SLC12A2: variants seen among roughly 807,000 people sequenced by gnomAD.
SLC12A2 encodes the protein solute carrier family 12 member 2.
A neutral mutation model predicts 136.3 loss-of-function variants in SLC12A2; 67 were observed. The observed-to-expected ratio is 0.49, with a 90% confidence interval of 0.40 to 0.60. The LOEUF (loss-of-function observed/expected upper bound fraction) is 0.60. Ranked by LOEUF, SLC12A2 falls within the 20% of genes least tolerant of loss-of-function variation. The pLI, the probability that SLC12A2 is intolerant of heterozygous loss-of-function variation, is 0.00. For missense variants in SLC12A2, 1,322 were observed against 1,534.7 expected (o/e 0.86, Z 2.32); for synonymous variants, 619 against 562.9 (o/e 1.10, Z -1.41).
At chr5:128,126,955 TATATATA>T (rs1561673453) in intron 4 of SLC12A2, among the ~76,000 whole-genome samples, 4 of 34,470 alleles carry the variant, frequency 1.2e-4, no homozygotes, top group South Asian at 7.0e-4. Flanking sequence ...TATATATATA[TATATATA>T]TATATTTTTT....
intron 20 of SLC12A2, among the ~76,000 whole-genome samples, chr5:128,175,700 T>G (rs1763518541): frequency 6.6e-6 from 1 of 151,990 alleles, no homozygotes. Flanking sequence ...AATCATTATT[T>G]TTATAGAACA....
At chr5:128,160,886 G>T (rs565605363) in intron 16 of SLC12A2, among the ~76,000 whole-genome samples, 5 of 151,788 alleles carry the variant, frequency 3.3e-5, no homozygotes, top group Non-Finnish European at 7.4e-5. Context: ...TGTATGTAGG[G>T]TGGTAGAAGG....
chr5:128,172,116 T>C (rs758628475), intron 19 of SLC12A2, among the ~76,000 whole-genome samples: 1 of 152,246 alleles, frequency 6.6e-6, no homozygotes, highest in Non-Finnish European at 1.5e-5. Flanking sequence ...TATGAAAGTA[T>C]GCTTTGTACA....
intron 1 of SLC12A2, among the ~76,000 whole-genome samples, chr5:128,108,097 G>A (rs1008393246): frequency 1.3e-5 from 2 of 151,830 alleles, no homozygotes; most frequent in East Asian, 1.9e-4. Flanking sequence ...AAGTTTAACC[G>A]TTAATGGTTT....
chr5:128,151,405 C>A lies in SLC12A2; in HGVS notation c.2263+9C>A. 6.2e-7 allele frequency: 1 copy of A among 1,603,280 alleles called. No individual in the cohort carries two copies. The highest frequency in any genetic ancestry group is 8.5e-7 in the Non-Finnish European group (1 of 1,176,890). On this transcript the variant is annotated intron_variant, in intron 14 of 26. Transcript: ENST00000262461. ...TACCTACAAAAAACCAGGTCAGTAG[C>A]CTTTTTTGTTTATATCCCAAGCTAG...
At chr5:128,131,233 G>A (rs751397880) in intron 5 of SLC12A2, 27 bp downstream of exon 5, 23 of 1,611,422 alleles carry the variant, frequency 1.4e-5, no homozygotes, top group Middle Eastern at 1.6e-4. Context: ...CTAGTCATTC[G>A]TTTACCAAAT....
intron 1 of SLC12A2, among the ~76,000 whole-genome samples, chr5:128,086,604 A>C (rs961973973): frequency 6.6e-6 from 1 of 152,144 alleles, no homozygotes; most frequent in Non-Finnish European, 1.5e-5. Context: ...GTTCAGTTTC[A>C]TTTATGCAAC....
chr5:128,157,926 T>G, intron 15 of SLC12A2, 127 bp from the exon 16 acceptor site: 1 of 670,684 alleles, frequency 1.5e-6, no homozygotes. Context: ...ATAGTCTTTT[T>G]GAGAATCCTG....
At chr5:128,149,855 T>A (rs574316734) in intron 12 of SLC12A2, 142 bp from the exon 13 acceptor site, 1 of 670,050 alleles carries the variant, frequency 1.5e-6, no homozygotes, top group South Asian at 1.7e-5. Flanking sequence ...ATGAGGCATA[T>A]ATGGCAAACT....
Position 128,187,408 on chromosome 5 carries a change from ATTC to A in SLC12A2, c.*780_*782del, listed in dbSNP as rs1231302809. On this transcript the variant is annotated 3_prime_UTR_variant, in exon 27 of 27. Coordinates refer to ENST00000262461, the MANE Select transcript of SLC12A2 (RefSeq NM_001046.3). ...ATATACCATGCTTAAAAATCACGTC[ATTC>A]TTTAAACAAAAATACTCAAGATCAT... 1 of 152,108 alleles carries A rather than the reference ATTC, an allele frequency of 6.6e-6. No homozygotes were observed. The highest frequency in any genetic ancestry group is 1.5e-5 in the Non-Finnish European group (1 of 67,986). 9.4% of individuals were successfully genotyped at this position (152,108 alleles called of 1,614,324 possible).
chr5:128,159,198 A>T (rs1762956546), intron 16 of SLC12A2, among the ~76,000 whole-genome samples: 1 of 151,818 alleles, frequency 6.6e-6, no homozygotes, highest in South Asian at 2.1e-4. Context: ...ATTCACTGTT[A>T]TTTTTCTCAC....
chr5:128,125,168 G>A (rs925774468), intron 4 of SLC12A2, among the ~76,000 whole-genome samples: 1 of 152,192 alleles, frequency 6.6e-6, no homozygotes, highest in Non-Finnish European at 1.5e-5. Flanking sequence ...AGATAGGTCA[G>A]GCAGTCATTT....
At chr5:128,106,418 C>T (rs901277750) in intron 1 of SLC12A2, among the ~76,000 whole-genome samples, 1 of 152,054 alleles carries the variant, frequency 6.6e-6, no homozygotes, top group Non-Finnish European at 1.5e-5. Context: ...TCTTATTTCT[C>T]TGAAACAAAT....
intron 1 of SLC12A2, among the ~76,000 whole-genome samples, chr5:128,095,635 C>T (rs2126645641): frequency 6.6e-6 from 1 of 152,040 alleles, no homozygotes; most frequent in South Asian, 2.1e-4. Flanking sequence ...TGAATGTGGC[C>T]CAACACAAAT....
chr5:128,119,010 T>C (rs1761456062), intron 4 of SLC12A2, among the ~76,000 whole-genome samples: 1 of 152,144 alleles, frequency 6.6e-6, no homozygotes, highest in African/African-American at 2.4e-5. Flanking sequence ...TGGGATTCAA[T>C]GTGTAGGTAT....
intron 1 of SLC12A2, among the ~76,000 whole-genome samples, chr5:128,107,463 C>T (rs776270590): frequency 2.0e-5 from 3 of 152,128 alleles, no homozygotes; most frequent in African/African-American, 4.8e-5. Flanking sequence ...CCGCAACAGA[C>T]CCCAGTGTGT....
intron 11 of SLC12A2, 29 bp from the exon 12 acceptor site, chr5:128,148,725 T>G (rs992452581): frequency 6.5e-7 from 1 of 1,540,688 alleles, no homozygotes; most frequent in Non-Finnish European, 8.7e-7. Flanking sequence ...AATTTTAATA[T>G]GTTTCATTTT....
intron 1 of SLC12A2, among the ~76,000 whole-genome samples, chr5:128,101,944 A>T (rs1760755153): frequency 1.3e-5 from 2 of 152,238 alleles, no homozygotes; most frequent in East Asian, 3.9e-4. Flanking sequence ...CCTTTTTTTT[A>T]AAGTCTTTTA....
In SLC12A2 at chr5:128,189,140, TC is replaced by T. The variant is rs1763966132; in HGVS notation, c.*2510del. 6.6e-6 allele frequency: 1 copy of T among 152,202 alleles called. No homozygotes were observed. The highest frequency in any genetic ancestry group is 1.5e-5 in the Non-Finnish European group (1 of 68,024). 9.4% of individuals were successfully genotyped at this position (152,202 alleles called of 1,614,324 possible). ...CTTTCACTTAACACTAGACACCAGG[TC>T]GAAAATTTTCAAGGTTATAGTACTT... On this transcript the variant is annotated 3_prime_UTR_variant, in exon 27 of 27. Transcript: ENST00000262461.
Sources: gnomAD v4.1 joint callset for allele counts (sites outside exome capture counted in the v4.1 genomes callset) on GRCh38, gnomAD v4.1.1 for gene constraint, MANE v1.5 for transcripts, NCBI Gene and HGNC (gene_info 2026-07-23, HGNC 2026-07-21) for gene names.